The following ZNF317 variants were observed in gnomAD, a reference collection of about 807,000 sequenced individuals.
ZNF317 encodes KRAB-containing zinc finger protein 317.
A neutral mutation model predicts 23.4 loss-of-function variants in ZNF317; 17 were observed. That is an observed-to-expected ratio of 0.73 (90% CI 0.50 to 1.09). ZNF317 has a LOEUF of 1.09. ZNF317 is among the 50% of genes least tolerant of loss of function. The probability of loss-of-function intolerance (pLI) is 0.00; values close to 1 mark genes in which losing one functional copy is unlikely to be tolerated. For synonymous variants in ZNF317, 317 were observed against 314.9 expected (o/e 1.01, Z -0.07); for missense variants, 679 against 796.7 (o/e 0.85, Z 1.78).
intron 1 of ZNF317, among the ~76,000 whole-genome samples, chr19:9,140,923 C>A (rs928678098): frequency 2.6e-5 from 4 of 152,078 alleles, no homozygotes; most frequent in African/African-American, 9.7e-5. Flanking sequence ...ATTTGGACAT[C>A]GCGAGGAGAA....
At chr19:9,150,270 G>A (rs78505079) in intron 1 of ZNF317, among the ~76,000 whole-genome samples, 10,155 of 152,272 alleles carry the variant, frequency 0.067, 352 homozygotes, top group Middle Eastern at 0.13. Context: ...TTGTGAAATC[G>A]TCAGTGGTCA....
At chr19:9,141,350 A>G (rs1277416941) in intron 1 of ZNF317, among the ~76,000 whole-genome samples, 1 of 152,194 alleles carries the variant, frequency 6.6e-6, no homozygotes, top group Non-Finnish European at 1.5e-5. Context: ...CAAGAAAGAG[A>G]TTATTAAATC....
At chr19:9,159,780 C>T (rs2050826841) in intron 6 of ZNF317, among the ~76,000 whole-genome samples, 1 of 152,162 alleles carries the variant, frequency 6.6e-6, no homozygotes, top group Middle Eastern at 3.2e-3. Flanking sequence ...CTCCTGACCT[C>T]AGGTGGTCCA....
chr19:9,160,036 A>C lies in ZNF317; in HGVS notation c.469-78A>C. 1 of 1,578,306 alleles carries C rather than the reference A, an allele frequency of 6.3e-7. No homozygotes were observed. Among genetic ancestry groups the C allele is most frequent in the Non-Finnish European group, 8.6e-7 (1 of 1,158,194 alleles). ...TAATGTGCTTCTATCTGTTCATAGC[A>C]GTGTATGTGGGGATGACGCTTAGGG... On this transcript the variant is annotated intron_variant, in intron 6 of 6. Coordinates refer to ENST00000247956, the MANE Select transcript of ZNF317 (RefSeq NM_020933.5). The surrounding 1 kb of genome is among the most constrained non-coding windows in gnomAD (Gnocchi z 6.8).
rs753237897 is a variant in ZNF317, at chr19:9,160,731, C to T, written c.1086C>T (p.Tyr362=). 3.5e-5 allele frequency: 56 copies of T among 1,613,996 alleles called. No homozygotes were observed. Among genetic ancestry groups the T allele is most frequent in the South Asian group, 3.0e-4 (27 of 91,090 alleles). ...GGAATCACACGGGGGAGAAGCCCTA[C>T]GCGTGCACGCAGTGCGGCAAAGCCT... ...HVRNHTGEKP[Y]ACTQCGKAFR... Residue 362 remains tyrosine, a synonymous_variant, in exon 7 of 7, where the codon TAC becomes TAT. Transcript: ENST00000247956. This position sits in a 1 kb window ranked among gnomAD's most constrained non-coding sequence, Gnocchi z 6.8.
At chr19:9,156,440 C>T (rs2050783595) in intron 2 of ZNF317, among the ~76,000 whole-genome samples, 172 bp from the exon 3 acceptor site, 1 of 152,038 alleles carries the variant, frequency 6.6e-6, no homozygotes, top group Non-Finnish European at 1.5e-5. Flanking sequence ...AACAGGGCTG[C>T]TCTGACTTGT....
In ZNF317 at chr19:9,160,207, C is replaced by A. The variant is rs778591892; in HGVS notation, c.562C>A (p.His188Asn). The change falls in exon 7 of 7, where the codon CAC (histidine) becomes AAC (asparagine). Residue 188 changes from histidine (H) to asparagine (N), a missense_variant. Transcript: ENST00000247956. The surrounding 1 kb of genome is among the most constrained non-coding windows in gnomAD (Gnocchi z 6.8). ...TCATCTCACTCAGCCAATGGGAAGG[C>A]ACGCTGGCAAGAGGCCCTATCACCG... ...DPHLTQPMGR[H>N]AGKRPYHRRD... The A allele has an allele frequency of 6.2e-7, 1 of 1,614,148 alleles. No individual in the cohort carries two copies. The highest frequency in any genetic ancestry group is 8.5e-7 in the Non-Finnish European group (1 of 1,180,030).
At chr19:9,157,109 G>A in intron 3 of ZNF317, 159 bp from the exon 4 acceptor site, 2 of 863,182 alleles carry the variant, frequency 2.3e-6, no homozygotes, top group South Asian at 1.8e-5. Context: ...GAGAGAGGAT[G>A]TCTGAGGACT....
chr19:9,152,365 C>T (rs577441657), intron 1 of ZNF317, among the ~76,000 whole-genome samples: 5 of 152,292 alleles, frequency 3.3e-5, no homozygotes, highest in South Asian at 4.1e-4. Flanking sequence ...AGACAGGTAC[C>T]GGTCCCTGGC....
At chr19:9,158,605 C>T (rs973788184) in intron 5 of ZNF317, among the ~76,000 whole-genome samples, 1 of 151,982 alleles carries the variant, frequency 6.6e-6, no homozygotes, top group Non-Finnish European at 1.5e-5. Context: ...TCCCAGAGTG[C>T]TGGGATTACA....
intron 3 of ZNF317, 81 bp from the exon 4 acceptor site, chr19:9,157,187 C>T: frequency 1.3e-6 from 2 of 1,556,682 alleles, no homozygotes; most frequent in Non-Finnish European, 1.7e-6. Flanking sequence ...TCTCTCATGC[C>T]CGGTCTTCAA....
intron 5 of ZNF317, 70 bp downstream of exon 5, chr19:9,158,145 T>C: frequency 6.8e-7 from 1 of 1,481,356 alleles, no homozygotes; most frequent in Non-Finnish European, 9.0e-7. Flanking sequence ...TGGAGGGAGG[T>C]AGGTTAGGGA....
At chr19:9,146,974 G>A (rs1406570926) in intron 1 of ZNF317, among the ~76,000 whole-genome samples, 1 of 152,160 alleles carries the variant, frequency 6.6e-6, no homozygotes, top group Non-Finnish European at 1.5e-5. Flanking sequence ...CTTGATGGAG[G>A]AGGCAGATCT....
intron 4 of ZNF317, 105 bp from the exon 5 acceptor site, chr19:9,157,875 G>T: frequency 7.0e-7 from 1 of 1,421,510 alleles, no homozygotes. Context: ...AGTCAGACTT[G>T]TCCACCCTCA....
intron 1 of ZNF317, 36 bp downstream of exon 1, chr19:9,140,628 G>A (rs74519977): frequency 0.013 from 5,741 of 454,686 alleles, 53 homozygotes; most frequent in South Asian, 0.022. Flanking sequence ...CTCCCCCTCA[G>A]TTCCAGGGGT....
In ZNF317 at chr19:9,160,961, C is replaced by G. The variant is rs2050846506; in HGVS notation, c.1316C>G (p.Ser439Cys). Residue 439 changes from serine (S) to cysteine (C), a missense_variant, in exon 7 of 7, where the codon TCT (serine) becomes TGT (cysteine). Physicochemically the swap from Ser to Cys is moderately radical, Grantham distance 112. Coordinates refer to ENST00000247956, the MANE Select transcript of ZNF317 (RefSeq NM_020933.5). This position sits in a 1 kb window ranked among gnomAD's most constrained non-coding sequence, Gnocchi z 6.8. ...NQSILKTHMNSHTGEKPYGCD... is the reference protein window; with the variant it reads ...NQSILKTHMNCHTGEKPYGCD... ...TCCATCCTTAAGACTCACATGAACTCTCACACTGGAGAGAAACCATACGGG... is the reference window on the plus strand; with the variant it reads ...TCCATCCTTAAGACTCACATGAACTGTCACACTGGAGAGAAACCATACGGG... The G allele has an allele frequency of 1.9e-6, 3 of 1,614,052 alleles. No individual in the cohort carries two copies. The highest frequency in any genetic ancestry group is 2.5e-6 in the Non-Finnish European group (3 of 1,180,040).
At chr19:9,147,111 T>C (rs2050690395) in intron 1 of ZNF317, among the ~76,000 whole-genome samples, 1 of 152,112 alleles carries the variant, frequency 6.6e-6, no homozygotes, top group Non-Finnish European at 1.5e-5. Context: ...ACCACACTCT[T>C]GTCTAGCAGC....
chr19:9,156,540 T>C, intron 2 of ZNF317, 72 bp from the exon 3 acceptor site: 1 of 1,551,940 alleles, frequency 6.4e-7, no homozygotes, highest in Non-Finnish European at 8.7e-7. Context: ...TGGAGCAGTT[T>C]CCTGGTTTAC....
chr19:9,152,540 C>A (rs1266023894), intron 1 of ZNF317, among the ~76,000 whole-genome samples: 1 of 152,182 alleles, frequency 6.6e-6, no homozygotes, highest in Non-Finnish European at 1.5e-5. Context: ...CCCTATTGTG[C>A]ACTGCACATG....
Sources: allele counts gnomAD v4.1 joint callset (sites outside exome capture counted in the v4.1 genomes callset), GRCh38; gene constraint gnomAD v4.1.1; non-coding constraint Gnocchi (gnomAD v3.1); transcripts MANE v1.5; gene names NCBI Gene and HGNC (gene_info 2026-07-23, HGNC 2026-07-21).